Variants in CAPN13 observed in about 807,000 individuals in gnomAD.
CAPN13 encodes calpain-13.
Under a neutral mutation model 98.4 loss-of-function variants are expected in CAPN13, and 90 were observed. The ratio of observed to expected loss-of-function variants is 0.92; its 90% CI spans 0.77 to 1.09. The LOEUF is 1.09. Among genes scored for constraint, CAPN13 ranks in the 50% least tolerant of loss-of-function variants. The pLI is 0.00. For synonymous variants in CAPN13, 330 were observed against 305.5 expected (o/e 1.08, Z -0.84); for missense variants, 887 against 841.3 (o/e 1.05, Z -0.67).
At chr2:30,789,714 G>A (rs961642132) in intron 1 of CAPN13, among the ~76,000 whole-genome samples, 20 of 152,198 alleles carry the variant, frequency 1.3e-4, no homozygotes, top group African/African-American at 4.1e-4. Context: ...CCCAGAACAC[G>A]CAGCACAGTG....
chr2:30,745,818 G>T, intron 11 of CAPN13, 84 bp from the exon 12 acceptor site: 1 of 1,163,830 alleles, frequency 8.6e-7, no homozygotes. Flanking sequence ...TGGCTCATTG[G>T]TTTCATCCCT....
intron 2 of CAPN13, among the ~76,000 whole-genome samples, chr2:30,778,657 C>G (rs866447382): frequency 4.0e-4 from 61 of 152,322 alleles, no homozygotes; most frequent in African/African-American, 1.4e-3. Context: ...CATAAACTGC[C>G]CAGGTTTCCT....
At chr2:30,795,778 A>T (rs1351381022) in intron 1 of CAPN13, among the ~76,000 whole-genome samples, 1 of 152,040 alleles carries the variant, frequency 6.6e-6, no homozygotes, top group African/African-American at 2.4e-5. Context: ...TATTACAAAT[A>T]TTTGCTTTAA....
rs1042212090 is a variant in CAPN13 at position 30,723,664 on chromosome 2, T to G, written c.*31-428A>C. Among the ~76,000 whole-genome samples, 20 of 152,184 alleles carry G rather than the reference T, an allele frequency of 1.3e-4. No homozygotes were observed. The East Asian group carries it at 3.7e-3, about 28-fold the overall frequency. On this transcript the variant is annotated intron_variant, in intron 22 of 22. Transcript: ENST00000295055. Reference sequence around the variant, plus strand: ...CCCATCCAAGCTCCAGATGGCTAGCTTTGGACTTCTGCAGAGGAGTGGTTT... The same window carrying G: ...CCCATCCAAGCTCCAGATGGCTAGCGTTGGACTTCTGCAGAGGAGTGGTTT...
At chr2:30,769,876 GCCTCCTCCCACCT>G (rs1673307139) in intron 5 of CAPN13, among the ~76,000 whole-genome samples, 1 of 152,032 alleles carries the variant, frequency 6.6e-6, no homozygotes, top group Non-Finnish European at 1.5e-5. Context: ...TTTTGGAGAT[GCCTCCTCCCACCT>G]ATCCCCTCTC....
At chr2:30,804,452 C>T (rs1675484723) in intron 1 of CAPN13, among the ~76,000 whole-genome samples, 2 of 152,214 alleles carry the variant, frequency 1.3e-5, no homozygotes, top group African/African-American at 4.8e-5. Flanking sequence ...ATCCGCCCAC[C>T]TCGGCCTCCC....
chr2:30,761,667 A>T (rs13408897), intron 7 of CAPN13, among the ~76,000 whole-genome samples: 17,141 of 152,270 alleles, frequency 0.11, 1,401 homozygotes, highest in African/African-American at 0.23. Flanking sequence ...CCAAACAGGT[A>T]TTACTAATTG....
chr2:30,776,073 C>T (rs748722287), intron 3 of CAPN13, 28 bp from the exon 4 acceptor site: 4 of 1,497,782 alleles, frequency 2.7e-6, no homozygotes, highest in Non-Finnish European at 3.7e-6. Context: ...CCAGGAAAGG[C>T]TGATTGGACA....
intron 17 of CAPN13, chr2:30,738,004 C>CAA (rs1671461901): frequency 1.9e-6 from 1 of 520,572 alleles, no homozygotes; most frequent in African/African-American, 1.9e-5. Context: ...CACACACACA[C>CAA]ACCCCAGTAC....
At chr2:30,803,095 G>C (rs940090207) in intron 1 of CAPN13, among the ~76,000 whole-genome samples, 1 of 152,226 alleles carries the variant, frequency 6.6e-6, no homozygotes, top group African/African-American at 2.4e-5. Context: ...AGTTCCTGCA[G>C]AAAGCTAGAG....
In CAPN13 at chr2:30,763,102, T is replaced by C; in HGVS notation, c.754A>G (p.Thr252Ala). 1.2e-6 allele frequency: 2 copies of C among 1,610,722 alleles called. No homozygotes were observed. Among genetic ancestry groups the C allele is most frequent in the Non-Finnish European group, 1.7e-6 (2 of 1,178,642 alleles). The part of the protein sequence containing the change: ...ENGLVSLHAY[T>A]VTGAEQIQYR... ...CTTACCTGCTCAGCCCCAGTCACAGTGTAGGCATGGAGACTCACCAGCCCA... is the reference window on the plus strand; with the variant it reads ...CTTACCTGCTCAGCCCCAGTCACAGCGTAGGCATGGAGACTCACCAGCCCA... The change falls in exon 7 of 23, where the codon ACT becomes GCT. Residue 252 changes from threonine (T) to alanine (A), a missense_variant. Coordinates refer to ENST00000295055, the MANE Select transcript of CAPN13 (RefSeq NM_144575.3).
At chr2:30,739,894 C>G (rs1671564056) in intron 15 of CAPN13, among the ~76,000 whole-genome samples, 1 of 152,108 alleles carries the variant, frequency 6.6e-6, no homozygotes, top group Non-Finnish European at 1.5e-5. Context: ...CTTGGGATTC[C>G]CAAAGCTTAG....
chr2:30,769,977 T>G (rs1185538017), intron 5 of CAPN13, among the ~76,000 whole-genome samples: 1 of 152,214 alleles, frequency 6.6e-6, no homozygotes. Context: ...CCTGACTTTC[T>G]GTGAGTCAGA....
chr2:30,787,463 C>A, intron 1 of CAPN13, 106 bp from the exon 2 acceptor site: 2 of 812,974 alleles, frequency 2.5e-6, no homozygotes, highest in Non-Finnish European at 3.8e-6. Context: ...TTTACAGGGA[C>A]TGAGACTAAG....
intron 7 of CAPN13, among the ~76,000 whole-genome samples, chr2:30,759,306 A>C (rs1672698892): frequency 6.6e-6 from 1 of 151,878 alleles, no homozygotes; most frequent in South Asian, 2.1e-4. Flanking sequence ...ACTTCAGATA[A>C]GGAGGTCTAC....
intron 13 of CAPN13, 70 bp from the exon 14 acceptor site, chr2:30,742,429 G>C: frequency 6.2e-5 from 95 of 1,523,702 alleles, no homozygotes; most frequent in Non-Finnish European, 7.5e-5. Context: ...CATATAGAGG[G>C]CACCCAGGTG....
At chr2:30,773,760 T>C (rs1673531249) in intron 4 of CAPN13, among the ~76,000 whole-genome samples, 1 of 152,156 alleles carries the variant, frequency 6.6e-6, no homozygotes, top group Non-Finnish European at 1.5e-5. Context: ...GGGAGGAACT[T>C]CTCCTCTTTA....
chr2:30,740,206 T>C (rs1243537452), intron 15 of CAPN13, among the ~76,000 whole-genome samples: 3 of 150,802 alleles, frequency 2.0e-5, no homozygotes, highest in African/African-American at 7.3e-5. Context: ...GCAATTCGCC[T>C]GTCTCAGCCT....
At chr2:30,747,529 C>T (rs1227755824) in intron 11 of CAPN13, among the ~76,000 whole-genome samples, 1 of 152,210 alleles carries the variant, frequency 6.6e-6, no homozygotes, top group Non-Finnish European at 1.5e-5. Context: ...TGAAATGGCT[C>T]ATCCACCCTC....
Sources: allele counts gnomAD v4.1 joint callset (sites outside exome capture counted in the v4.1 genomes callset), GRCh38; gene constraint gnomAD v4.1.1; transcripts MANE v1.5; gene names NCBI Gene and HGNC (gene_info 2026-07-23, HGNC 2026-07-21).